STAC: variants seen among roughly 807,000 people sequenced by gnomAD.
STAC encodes the protein SH3 and cysteine-rich domain-containing protein.
Under a neutral mutation model 48.8 loss-of-function variants are expected in STAC, and 43 were observed. The ratio of observed to expected loss-of-function variants is 0.88; its 90% CI spans 0.69 to 1.14. The LOEUF is 1.14. Ranked by LOEUF, STAC falls within the 50% of genes most tolerant of loss-of-function variation. The probability of loss-of-function intolerance (pLI) is 0.00; values close to 1 mark genes in which losing one functional copy is unlikely to be tolerated. For synonymous variants in STAC, 193 were observed against 179.5 expected (o/e 1.07, Z -0.60); for missense variants, 497 against 504.0 (o/e 0.99, Z 0.13).
At chr3:36,408,155 TCA>T (rs1700121382) in intron 1 of STAC, among the ~76,000 whole-genome samples, 1 of 152,224 alleles carries the variant, frequency 6.6e-6, no homozygotes, top group Non-Finnish European at 1.5e-5. Context: ...GTAGCAATCA[TCA>T]CAGTGACTAT....
intron 2 of STAC, among the ~76,000 whole-genome samples, chr3:36,457,476 C>T (rs934399184): frequency 2.0e-5 from 3 of 152,094 alleles, no homozygotes; most frequent in South Asian, 2.1e-4. Flanking sequence ...TGATATTAAC[C>T]GTATATCAAA....
At position 36,398,353 on chromosome 3, in the gene STAC, AAG is replaced by A. The variant is rs1418390673; in HGVS notation, c.111+17601_111+17602del. The stretch of plus-strand genomic sequence containing the variant: ...AAAGAAAGAAAGAAAGAAAGAAAGA[AAG>A]AAAGAAAGAAAGAAAAGAAAGAGAG... On this transcript the variant is annotated intron_variant, in intron 1 of 10. Transcript: ENST00000273183. Among the ~76,000 whole-genome samples, 18 of 141,504 alleles carry A rather than the reference AAG, an allele frequency of 1.3e-4. 1 individual carries two copies. The allele number at this position is 141,504 out of a possible 152,430, so 92.8% of individuals were successfully genotyped here. A position where few individuals can be genotyped will look rare whatever the true frequency, so the allele number is the denominator to read the frequency against.
chr3:36,388,297 G>A (rs1165345620), intron 1 of STAC, among the ~76,000 whole-genome samples: 1 of 151,274 alleles, frequency 6.6e-6, no homozygotes, highest in African/African-American at 2.4e-5. Flanking sequence ...TGTCTTTTTT[G>A]GTATGTGAAT....
At chr3:36,543,443 T>C (rs1286101071) in intron 10 of STAC, among the ~76,000 whole-genome samples, 1 of 152,146 alleles carries the variant, frequency 6.6e-6, no homozygotes, top group African/African-American at 2.4e-5. Flanking sequence ...TCAAAGCACT[T>C]TAGAGATGCC....
chr3:36,519,933 A>G (rs576208505), intron 8 of STAC, among the ~76,000 whole-genome samples: 1 of 152,360 alleles, frequency 6.6e-6, no homozygotes, highest in East Asian at 1.9e-4. Context: ...CACCAGGCAA[A>G]GTTCACTTGC....
In STAC at chr3:36,513,238, T is replaced by C. The variant is rs532978470; in HGVS notation, c.920+7404T>C. 9.2e-5 allele frequency among the ~76,000 whole-genome samples: 14 copies of C among 152,278 alleles called. No individual in the cohort carries two copies. In the East Asian group the frequency reaches 2.7e-3, roughly 29 times the overall value. The stretch of plus-strand genomic sequence containing the variant: ...CCTCTCCCCGAACCTCCAGATTCAC[T>C]TACCCACCTGCCTACCCCAGCAATG... On this transcript the variant is annotated intron_variant, in intron 8 of 10. Coordinates refer to ENST00000273183, the MANE Select transcript of STAC (RefSeq NM_003149.3).
chr3:36,442,811 T>A (rs1440648727), intron 1 of STAC, among the ~76,000 whole-genome samples: 3 of 142,820 alleles, frequency 2.1e-5, no homozygotes, highest in Admixed American at 7.1e-5. Context: ...CAGAGGTTAC[T>A]TATCCATATG....
chr3:36,413,081 T>A (rs1027647127), intron 1 of STAC, among the ~76,000 whole-genome samples: 3 of 152,098 alleles, frequency 2.0e-5, no homozygotes, highest in African/African-American at 7.2e-5. Flanking sequence ...TGCTGAGGAG[T>A]GCTTTACTTC....
intron 8 of STAC, among the ~76,000 whole-genome samples, chr3:36,520,766 C>T (rs1698783197): frequency 6.6e-6 from 1 of 152,174 alleles, no homozygotes; most frequent in African/African-American, 2.4e-5. Context: ...CCAAATGTCA[C>T]TAATGTGTTT....
chr3:36,509,507 T>C (rs939306804), intron 8 of STAC, among the ~76,000 whole-genome samples: 1 of 150,032 alleles, frequency 6.7e-6, no homozygotes, highest in African/African-American at 2.5e-5. Flanking sequence ...TTTCCAACTT[T>C]GTTCCATTCT....
intron 8 of STAC, among the ~76,000 whole-genome samples, chr3:36,517,070 G>A (rs1360087907): frequency 6.6e-6 from 1 of 152,130 alleles, no homozygotes; most frequent in Non-Finnish European, 1.5e-5. Flanking sequence ...TGCAGTTGCT[G>A]ACATGATGAG....
chr3:36,544,451 T>C (rs962516388), intron 10 of STAC, among the ~76,000 whole-genome samples: 1 of 152,184 alleles, frequency 6.6e-6, no homozygotes, highest in Non-Finnish European at 1.5e-5. Flanking sequence ...ATTACAGGCA[T>C]GAGCCACCGC....
chr3:36,521,225 T>C (rs1233082215), intron 8 of STAC, among the ~76,000 whole-genome samples: 1 of 152,004 alleles, frequency 6.6e-6, no homozygotes, highest in African/African-American at 2.4e-5. Flanking sequence ...GCAGGAAATA[T>C]TAAAGAGGCT....
At chr3:36,409,207 G>C (rs1031864559) in intron 1 of STAC, among the ~76,000 whole-genome samples, 10 of 152,154 alleles carry the variant, frequency 6.6e-5, no homozygotes, top group African/African-American at 2.2e-4. Context: ...GCATTATCCA[G>C]TTTGAAAACA....
At chr3:36,448,212 T>TATTTTATTTA (rs1696574159) in intron 2 of STAC, among the ~76,000 whole-genome samples, 3 of 129,238 alleles carry the variant, frequency 2.3e-5, no homozygotes, top group African/African-American at 8.0e-5. Context: ...TATTTTATTT[T>TATTTTATTTA]ACTTTATTTA....
chr3:36,412,731 G>A (rs1213123328), intron 1 of STAC, among the ~76,000 whole-genome samples: 1 of 152,056 alleles, frequency 6.6e-6, no homozygotes, highest in African/African-American at 2.4e-5. Flanking sequence ...ACCTGTTTCA[G>A]GGCTCTATGT....
Position 36,490,336 on chromosome 3 carries a change from A to G in STAC, c.688-2815A>G, listed in dbSNP as rs182135201. ...CCAAAGCCACACAGAGCTCACTCTC[A>G]GCTTGCAACCATCTCCCCTTACAAG... is the stretch of plus-strand genomic sequence containing the variant. On this transcript the variant is annotated intron_variant, in intron 5 of 10. Coordinates refer to ENST00000273183, the MANE Select transcript of STAC (RefSeq NM_003149.3). Among the ~76,000 whole-genome samples, 135 of 152,300 alleles carry G rather than the reference A, an allele frequency of 8.9e-4. 1 individual carries two copies. Among genetic ancestry groups the G allele is most frequent in the African/African-American group, 2.7e-3 (114 of 41,576 alleles).
chr3:36,398,913 C>A (rs564598455), intron 1 of STAC, among the ~76,000 whole-genome samples: 1 of 152,220 alleles, frequency 6.6e-6, no homozygotes, highest in Non-Finnish European at 1.5e-5. Flanking sequence ...GGTTCAGAAG[C>A]ATATAATTCA....
At chr3:36,485,143 C>G (rs1301022116) in intron 4 of STAC, 85 bp downstream of exon 4, 1 of 1,112,674 alleles carries the variant, frequency 9.0e-7, no homozygotes, top group African/African-American at 1.6e-5. Context: ...GGCTGCAAAA[C>G]CCGTGGGGTA....
Sources: gnomAD v4.1 joint callset for allele counts (sites outside exome capture counted in the v4.1 genomes callset) on GRCh38, gnomAD v4.1.1 for gene constraint, MANE v1.5 for transcripts, NCBI Gene and HGNC (gene_info 2026-07-23, HGNC 2026-07-21) for gene names.